The following DDX10 variants were observed in gnomAD, a reference collection of about 807,000 sequenced individuals.
DDX10 encodes the protein probable ATP-dependent RNA helicase DDX10.
A neutral mutation model predicts 104.3 loss-of-function variants in DDX10; 74 were observed. That is an observed-to-expected ratio of 0.71 (90% CI 0.59 to 0.86). The LOEUF is 0.86. Ranked by LOEUF, DDX10 falls within the 40% of genes least tolerant of loss-of-function variation. DDX10 has a pLI of 0.00. For synonymous variants in DDX10, 351 were observed against 353.4 expected (o/e 0.99, Z 0.08); for missense variants, 952 against 1,040.0 (o/e 0.92, Z 1.16).
chr11:108,678,783 T>TTTTTTTTTTTTTTTTGAGACGGAGTCTC (rs2094229922), intron 5 of DDX10, among the ~76,000 whole-genome samples: 1 of 151,712 alleles, frequency 6.6e-6, no homozygotes. Flanking sequence ...TGTGTATTTT[T>TTTTTTTTTTTTTTTTGAGACGGAGTCTC]AAATCAACTT....
At chr11:108,899,462 A>G (rs1863486122) in intron 16 of DDX10, among the ~76,000 whole-genome samples, 1 of 151,866 alleles carries the variant, frequency 6.6e-6, no homozygotes, top group East Asian at 1.9e-4. Flanking sequence ...TTATATTTTC[A>G]CATTAGAAAC....
intron 16 of DDX10, among the ~76,000 whole-genome samples, chr11:108,874,498 T>C (rs1055337234): frequency 6.6e-6 from 1 of 152,172 alleles, no homozygotes; most frequent in African/African-American, 2.4e-5. Flanking sequence ...CAGAGAGTTA[T>C]CCGTTAGCAT....
chr11:108,675,764 C>T (rs1449581920), intron 3 of DDX10, 38 bp downstream of exon 3: 2 of 1,603,370 alleles, frequency 1.2e-6, no homozygotes, highest in South Asian at 1.1e-5. Flanking sequence ...GTCTGTTATA[C>T]AATTTTATAA....
intron 13 of DDX10, among the ~76,000 whole-genome samples, chr11:108,728,531 T>TTTTTTTTG (rs1434676471): frequency 7.8e-6 from 1 of 127,826 alleles, no homozygotes; most frequent in African/African-American, 2.7e-5. Context: ...TTTTTTTTTT[T>TTTTTTTTG]AGAAATAGGG....
intron 10 of DDX10, among the ~76,000 whole-genome samples, chr11:108,709,974 A>G (rs1277094293): frequency 6.6e-6 from 1 of 152,194 alleles, no homozygotes; most frequent in East Asian, 1.9e-4. Flanking sequence ...TATTGCATTT[A>G]GGCTGCAAAC....
At chr11:108,855,909 A>G in intron 16 of DDX10, among the ~76,000 whole-genome samples, 1 of 152,230 alleles carries the variant, frequency 6.6e-6, no homozygotes, top group Non-Finnish European at 1.5e-5. Flanking sequence ...CGTATTTTTA[A>G]GGTGTGGGGA....
chr11:108,934,434 A>G (rs1864011816), intron 17 of DDX10, among the ~76,000 whole-genome samples: 2 of 152,150 alleles, frequency 1.3e-5, no homozygotes. Flanking sequence ...CCCTAGGCTA[A>G]AATGCATATT....
chr11:108,854,601 G>A (rs1211656353), intron 16 of DDX10, among the ~76,000 whole-genome samples: 1 of 152,172 alleles, frequency 6.6e-6, no homozygotes, highest in African/African-American at 2.4e-5. Context: ...GCTATTTTAA[G>A]CAATCACTGC....
intron 16 of DDX10, among the ~76,000 whole-genome samples, chr11:108,915,463 T>TC (rs1863735764): frequency 6.6e-6 from 1 of 151,942 alleles, no homozygotes; most frequent in African/African-American, 2.4e-5. Flanking sequence ...TTTTTTTTGT[T>TC]TGTTTGTTTT....
At chr11:108,920,507 CAG>C (rs1365737661) in intron 17 of DDX10, 3 of 152,166 alleles carry the variant, frequency 2.0e-5, no homozygotes, top group Admixed American at 2.0e-4. Context: ...CCTGTGAACA[CAG>C]AGATTGTCTA....
In DDX10 at chr11:108,831,850, C is replaced by T. The variant is rs139684075; in HGVS notation, c.1966-6596C>T. ...TTATTGGTTTTGTGACTGGTGGTGG[C>T]AGCAGTTCTTTTATCTTCCAGATTA... On this transcript the variant is annotated intron_variant, in intron 13 of 17. Coordinates refer to ENST00000322536, the MANE Select transcript of DDX10 (RefSeq NM_004398.4). 5.3e-5 allele frequency among the ~76,000 whole-genome samples: 8 copies of T among 152,172 alleles called. No homozygotes were observed. The East Asian group carries it at 1.5e-3, about 29-fold the overall frequency.
At position 108,747,108 on chromosome 11, in the gene DDX10, A is replaced by G. The variant is rs192449651; in HGVS notation, c.1965+23646A>G. ...TATGTAAAGGGGTCTGAACATATAT[A>G]TATAAGAGAATAGCTGAATTTGAAT... On this transcript the variant is annotated intron_variant, in intron 13 of 17. Coordinates refer to ENST00000322536, the MANE Select transcript of DDX10 (RefSeq NM_004398.4). Among the ~76,000 whole-genome samples, 12 of 152,264 alleles carry G rather than the reference A, an allele frequency of 7.9e-5. No individual in the cohort carries two copies. In the East Asian group the frequency reaches 2.1e-3, roughly 27 times the overall value.
intron 16 of DDX10, among the ~76,000 whole-genome samples, chr11:108,884,810 A>G (rs1863273369): frequency 6.6e-6 from 1 of 152,160 alleles, no homozygotes; most frequent in African/African-American, 2.4e-5. Context: ...CCTTAACTTC[A>G]GTTATGATCT....
intron 13 of DDX10, among the ~76,000 whole-genome samples, chr11:108,725,450 G>A (rs2128244): frequency 0.12 from 18,655 of 152,016 alleles, 1,559 homozygotes; most frequent in East Asian, 0.27. Context: ...TATAGAGTTC[G>A]AGTTGCATCC....
At chr11:108,685,326 C>A (rs1374178400) in intron 6 of DDX10, among the ~76,000 whole-genome samples, 2 of 151,094 alleles carry the variant, frequency 1.3e-5, no homozygotes, top group South Asian at 4.2e-4. Context: ...TTCTTTGACT[C>A]GGAAAGGGAA....
At chr11:108,793,137 G>A (rs367885858) in intron 13 of DDX10, among the ~76,000 whole-genome samples, 10 of 152,276 alleles carry the variant, frequency 6.6e-5, no homozygotes, top group African/African-American at 2.4e-4. Context: ...GACTGAGCAT[G>A]ACCTCTAATT....
At chr11:108,691,117 G>A (rs2094251909) in intron 7 of DDX10, among the ~76,000 whole-genome samples, 1 of 152,232 alleles carries the variant, frequency 6.6e-6, no homozygotes, top group African/African-American at 2.4e-5. Context: ...TGGGTAACAA[G>A]CAATTCACTT....
At chr11:108,800,003 CCAAAGCTCACTAT>C (rs1448195315) in intron 13 of DDX10, among the ~76,000 whole-genome samples, 3 of 151,792 alleles carry the variant, frequency 2.0e-5, no homozygotes, top group Admixed American at 6.6e-5. Context: ...ACTGCAGCCT[CCAAAGCTCACTAT>C]AGCCTCCAAT....
intron 12 of DDX10, among the ~76,000 whole-genome samples, chr11:108,720,593 A>AT (rs893767670): frequency 2.6e-5 from 4 of 151,644 alleles, no homozygotes; most frequent in Admixed American, 6.6e-5. Flanking sequence ...TATTTGAGGG[A>AT]TTTTTTGCGG....
Sources: gnomAD v4.1 joint callset for allele counts (sites outside exome capture counted in the v4.1 genomes callset) on GRCh38, gnomAD v4.1.1 for gene constraint, MANE v1.5 for transcripts, NCBI Gene and HGNC (gene_info 2026-07-23, HGNC 2026-07-21) for gene names.